PDE4D: variants seen among roughly 807,000 people sequenced by gnomAD.
PDE4D encodes the protein phosphodiesterase 4D, also known as 3',5'-cyclic-AMP phosphodiesterase 4D.
Under a neutral mutation model 87.4 loss-of-function variants are expected in PDE4D, and 24 were observed. The observed-to-expected ratio is 0.27, with a 90% CI of 0.20 to 0.39. The LOEUF (loss-of-function observed/expected upper bound fraction) is 0.39, where lower values mean the gene tolerates loss of function less well. PDE4D is among the 10% of genes least tolerant of loss of function. The probability of loss-of-function intolerance (pLI) is 1.00; values close to 1 mark genes in which losing one functional copy is unlikely to be tolerated. For synonymous variants in PDE4D, 384 were observed against 383.2 expected (o/e 1.00, Z -0.02); for missense variants, 714 against 1,041.0 (o/e 0.69, Z 4.32).
chr5:60,027,602 C>G (rs1292384046), intron 2 of PDE4D, among the ~76,000 whole-genome samples: 2 of 152,182 alleles, frequency 1.3e-5, no homozygotes, highest in African/African-American at 2.4e-5. Flanking sequence ...GGTCTCTTGT[C>G]TGTCTCCCTC....
At chr5:60,434,639 T>C (rs1335674887) in intron 1 of PDE4D, among the ~76,000 whole-genome samples, 1 of 152,134 alleles carries the variant, frequency 6.6e-6, no homozygotes, top group African/African-American at 2.4e-5. Flanking sequence ...AATTCAGATA[T>C]TATGCAGAAA....
chr5:59,958,072 G>T (rs928853615), intron 3 of PDE4D, among the ~76,000 whole-genome samples: 1 of 152,014 alleles, frequency 6.6e-6, no homozygotes, highest in Non-Finnish European at 1.5e-5. Flanking sequence ...TAAATTATTG[G>T]TAATAGGCTC....
intron 1 of PDE4D, among the ~76,000 whole-genome samples, chr5:60,442,549 G>A (rs1480440722): frequency 3.9e-5 from 6 of 151,944 alleles, no homozygotes; most frequent in Non-Finnish European, 7.4e-5. Context: ...AAACCTGCAC[G>A]TTCTGCACAT....
At chr5:59,632,686 C>T (rs575132991) in intron 1 of PDE4D, among the ~76,000 whole-genome samples, 11 of 152,254 alleles carry the variant, frequency 7.2e-5, no homozygotes, top group African/African-American at 2.2e-4. Flanking sequence ...GCAATAGCAT[C>T]AACATCAACA....
chr5:60,109,199 A>C (rs892716588), intron 2 of PDE4D, among the ~76,000 whole-genome samples: 5 of 152,228 alleles, frequency 3.3e-5, no homozygotes, highest in African/African-American at 1.2e-4. Context: ...AAGTGGGCGA[A>C]GGCCATGAAC....
Position 60,463,712 on chromosome 5 carries a change from G to A in PDE4D, c.-90+24230C>T, listed in dbSNP as rs145757989. Among the ~76,000 whole-genome samples, 588 of 152,188 alleles carry A rather than the reference G, an allele frequency of 3.9e-3. 5 individuals are homozygous for A. The highest frequency in any genetic ancestry group is 0.014 in the African/African-American group (572 of 41,534). The stretch of plus-strand genomic sequence containing the variant: ...GTTTTTCTTGGTCTATTCCTACTTT[G>A]AGGTCTTCCCAGAAAGAGCTGAAGA... On this transcript the variant is annotated intron_variant, in intron 1 of 16. Coordinates refer to the PDE4D transcript ENST00000502484.
intron 1 of PDE4D, among the ~76,000 whole-genome samples, chr5:59,457,420 C>T (rs1800094474): frequency 6.6e-6 from 1 of 152,212 alleles, no homozygotes; most frequent in Admixed American, 6.5e-5. Flanking sequence ...ATAGTGTAAA[C>T]ATAACTTTTG....
chr5:60,254,056 C>T (rs1261904889), intron 1 of PDE4D, among the ~76,000 whole-genome samples: 3 of 151,898 alleles, frequency 2.0e-5, no homozygotes, highest in African/African-American at 7.2e-5. Context: ...CTTTCTATGC[C>T]CTTCTAAAAT....
chr5:60,336,449 C>T (rs1757757834), intron 1 of PDE4D, among the ~76,000 whole-genome samples: 1 of 152,174 alleles, frequency 6.6e-6, no homozygotes, highest in Non-Finnish European at 1.5e-5. Context: ...TGTGTGCTTC[C>T]ACCTTTTCCA....
chr5:60,063,188 G>GAGAAAGAA (rs1314009485), intron 2 of PDE4D, among the ~76,000 whole-genome samples: 1 of 150,992 alleles, frequency 6.6e-6, no homozygotes, highest in African/African-American at 2.4e-5. Context: ...GAAAGAAAAA[G>GAGAAAGAA]AAAGAAAGAA....
intron 1 of PDE4D, among the ~76,000 whole-genome samples, chr5:59,583,869 G>C (rs1824634166): frequency 6.6e-6 from 1 of 152,158 alleles, no homozygotes. Flanking sequence ...ACAGAAAGAG[G>C]ACCAGCACAT....
At chr5:60,200,523 C>T (rs2149543540) in intron 1 of PDE4D, among the ~76,000 whole-genome samples, 1 of 144,784 alleles carries the variant, frequency 6.9e-6, no homozygotes, top group East Asian at 1.9e-4. Flanking sequence ...GAATCTAGAG[C>T]TAGAAAATTT....
intron 1 of PDE4D, among the ~76,000 whole-genome samples, chr5:59,488,761 T>A (rs542505466): frequency 1.3e-4 from 20 of 151,884 alleles, no homozygotes; most frequent in Non-Finnish European, 2.6e-4. Context: ...CTTGTATGCA[T>A]CTAAATACAA....
At chr5:59,393,732 G>A (rs958232064) in intron 1 of PDE4D, among the ~76,000 whole-genome samples, 4 of 152,190 alleles carry the variant, frequency 2.6e-5, no homozygotes, top group Admixed American at 1.3e-4. Context: ...TAAAGGACTT[G>A]TTATTTTTGG....
intron 1 of PDE4D, among the ~76,000 whole-genome samples, chr5:60,292,628 G>T (rs533885161): frequency 6.6e-6 from 1 of 152,034 alleles, no homozygotes; most frequent in Admixed American, 6.5e-5. Flanking sequence ...AGTTATGAAG[G>T]CTATTTCTTC....
chr5:59,516,253 C>T (rs770482020), intron 1 of PDE4D, among the ~76,000 whole-genome samples: 1 of 152,170 alleles, frequency 6.6e-6, no homozygotes. Flanking sequence ...CCTTTAGAAT[C>T]GATGTTTGGT....
At chr5:59,496,502 A>G (rs1389136556) in intron 1 of PDE4D, among the ~76,000 whole-genome samples, 1 of 151,992 alleles carries the variant, frequency 6.6e-6, no homozygotes, top group Admixed American at 6.6e-5. Flanking sequence ...CATATCAACT[A>G]CTGGGTTCCC....
At chr5:59,336,314 T>C (rs1251695908) in intron 1 of PDE4D, among the ~76,000 whole-genome samples, 1 of 152,196 alleles carries the variant, frequency 6.6e-6, no homozygotes, top group African/African-American at 2.4e-5. Flanking sequence ...GAAACTTTCG[T>C]AGAAAAAATT....
chr5:59,308,291 G>A (rs1388957131), intron 1 of PDE4D, among the ~76,000 whole-genome samples: 2 of 151,634 alleles, frequency 1.3e-5, no homozygotes, highest in Admixed American at 6.6e-5. Context: ...CAGCACACCG[G>A]CATGGCACAT....
Sources: gnomAD v4.1 joint callset for allele counts (sites outside exome capture counted in the v4.1 genomes callset) on GRCh38, gnomAD v4.1.1 for gene constraint, MANE v1.5 for transcripts, NCBI Gene and HGNC (gene_info 2026-07-23, HGNC 2026-07-21) for gene names.